KANK1: variants seen among roughly 807,000 people sequenced by gnomAD.
The protein encoded by KANK1 is KN motif and ankyrin repeat domain-containing protein 1.
In KANK1, 109 loss-of-function variants were observed where a neutral mutation model predicts 106.2. The ratio of observed to expected loss-of-function variants is 1.03; its 90% CI spans 0.88 to 1.20. The LOEUF (loss-of-function observed/expected upper bound fraction) is 1.20, where lower values mean the gene tolerates loss of function less well. Among genes scored for constraint, KANK1 ranks in the 50% most tolerant of loss-of-function variants. KANK1 has a pLI of 0.00. For missense variants in KANK1, 2,399 were observed against 1,710.7 expected (o/e 1.40, Z -7.10); for synonymous variants, 873 against 652.2 (o/e 1.34, Z -5.16).
chr9:707,076 C>T (rs1824453591), intron 2 of KANK1: 1 of 985,380 alleles, frequency 1.0e-6, no homozygotes, highest in Non-Finnish European at 1.2e-6. Flanking sequence ...GGAGACCTCG[C>T]CGGTGAAAGC....
At chr9:636,563 G>A (rs538013316) in intron 1 of KANK1, among the ~76,000 whole-genome samples, 4 of 152,250 alleles carry the variant, frequency 2.6e-5, no homozygotes, top group Admixed American at 1.3e-4. Context: ...ATTCTGTCCT[G>A]TACACCTTTA....
chr9:545,075 C>G (rs1018511462), intron 1 of KANK1, among the ~76,000 whole-genome samples: 1 of 151,942 alleles, frequency 6.6e-6, no homozygotes, highest in Non-Finnish European at 1.5e-5. Context: ...AGGAGAATCT[C>G]TGTGAGTTGA....
rs142442062 is a variant in KANK1 at position 712,053 on chromosome 9, A to G, written c.1287A>G (p.Thr429=). ...SRSCKDAAVG[T]LVEMRNCGVS... is the part of the protein sequence containing the mutation. ...CCTGTAAGGATGCAGCTGTAGGGAC[A>G]CTTGTTGAGATGAGAAATTGTGGGG... Residue 429 remains threonine, a synonymous_variant, in exon 3 of 12, where the codon ACA becomes ACG. Transcript: ENST00000382297. 2.5e-6 allele frequency: 4 copies of G among 1,614,064 alleles called. No homozygotes were observed. Among genetic ancestry groups the G allele is most frequent in the Admixed American group, 3.3e-5 (2 of 59,996 alleles).
chr9:656,532 A>C (rs1031352481), intron 1 of KANK1, among the ~76,000 whole-genome samples: 1 of 152,088 alleles, frequency 6.6e-6, no homozygotes, highest in Admixed American at 6.5e-5. Flanking sequence ...CCATACTGCT[A>C]TTCTCCAAGG....
intron 2 of KANK1, among the ~76,000 whole-genome samples, chr9:695,472 C>CTTGGA (rs3028271): frequency 6.6e-6 from 1 of 151,606 alleles, no homozygotes; most frequent in Admixed American, 6.6e-5. Flanking sequence ...CGTGTGCACA[C>CTTGGA]ACACATCCCC....
At chr9:744,801 G>T in intron 11 of KANK1, 1 of 1,449,520 alleles carries the variant, frequency 6.9e-7, no homozygotes, top group Non-Finnish European at 9.1e-7. Context: ...GCTTGTCCTT[G>T]CAAGACATAT....
At chr9:605,957 C>A (rs1377335777) in intron 1 of KANK1, among the ~76,000 whole-genome samples, 1 of 151,640 alleles carries the variant, frequency 6.6e-6, no homozygotes, top group East Asian at 1.9e-4. Context: ...TGTTCTGACT[C>A]CCTTCCCATT....
chr9:558,003 A>C (rs13299232), intron 1 of KANK1, among the ~76,000 whole-genome samples: 1 of 139,198 alleles, frequency 7.2e-6, no homozygotes, highest in South Asian at 2.4e-4. Context: ...AGACTCTCTC[A>C]AAAAACAAAC....
At chr9:676,124 G>C (rs1243495056) in intron 1 of KANK1, among the ~76,000 whole-genome samples, 1 of 152,126 alleles carries the variant, frequency 6.6e-6, no homozygotes, top group East Asian at 1.9e-4. Context: ...ACCACAACCT[G>C]TTTTATCAGC....
chr9:576,445 A>G (rs954534155), intron 1 of KANK1, among the ~76,000 whole-genome samples: 12 of 152,222 alleles, frequency 7.9e-5, no homozygotes, highest in South Asian at 2.1e-4. Flanking sequence ...CACTGTGCCT[A>G]TCTTTCCCAC....
intron 3 of KANK1, among the ~76,000 whole-genome samples, chr9:499,251 G>A (rs2058509487): frequency 6.6e-6 from 1 of 151,548 alleles, no homozygotes; most frequent in Non-Finnish European, 1.5e-5. Context: ...ATACCTAAGA[G>A]AGAGGAAAAC....
intron 1 of KANK1, among the ~76,000 whole-genome samples, chr9:518,766 A>G (rs2059413644): frequency 6.6e-6 from 1 of 151,700 alleles, no homozygotes; most frequent in East Asian, 1.9e-4. Context: ...TATGACATAC[A>G]GTGAACAAGA....
chr9:655,141 G>A (rs1450881779), intron 1 of KANK1, among the ~76,000 whole-genome samples: 2 of 152,108 alleles, frequency 1.3e-5, no homozygotes, highest in South Asian at 2.1e-4. Flanking sequence ...AGGCCAAGGC[G>A]AGTGGATCAC....
intron 2 of KANK1, among the ~76,000 whole-genome samples, chr9:678,786 G>A (rs1303249738): frequency 6.6e-6 from 1 of 152,106 alleles, no homozygotes; most frequent in Non-Finnish European, 1.5e-5. Flanking sequence ...GGTGAGAGAG[G>A]AGATTGAAAC....
intron 3 of KANK1, among the ~76,000 whole-genome samples, chr9:491,838 G>A (rs2058382064): frequency 1.3e-5 from 2 of 151,954 alleles, no homozygotes; most frequent in South Asian, 4.1e-4. Context: ...CTGTTCTTGT[G>A]ATAGTGATTA....
chr9:572,172 T>TTTA (rs1360042819), intron 1 of KANK1, among the ~76,000 whole-genome samples: 2 of 51,826 alleles, frequency 3.9e-5, no homozygotes, highest in Non-Finnish European at 8.2e-5. Flanking sequence ...TTTTTTTTTC[T>TTTA]AAGAGACAGG....
At chr9:675,615 G>C (rs62531169) in intron 1 of KANK1, among the ~76,000 whole-genome samples, 1 of 151,746 alleles carries the variant, frequency 6.6e-6, no homozygotes, top group African/African-American at 2.4e-5. Context: ...TGAATATATT[G>C]CCCAATGTGG....
chr9:745,305 TACTG>T lies in KANK1; in HGVS notation c.*72_*75del, dbSNP rs1589391744. 3 of 1,578,376 alleles carry T rather than the reference TACTG, an allele frequency of 1.9e-6. No individual in the cohort carries two copies. The highest frequency in any genetic ancestry group is 2.6e-6 in the Non-Finnish European group (3 of 1,148,130). ...TAATTGTTCCTGTTGGGGTGACAGA[TACTG>T]AATGTATACGTATTGTGCCTGAGCT... On this transcript the variant is annotated 3_prime_UTR_variant, in exon 12 of 12. Coordinates refer to ENST00000382297, the MANE Select transcript of KANK1 (RefSeq NM_015158.5).
At chr9:709,910 C>G (rs1394358055) in intron 2 of KANK1, among the ~76,000 whole-genome samples, 1 of 152,082 alleles carries the variant, frequency 6.6e-6, no homozygotes, top group Admixed American at 6.5e-5. Flanking sequence ...AGCACCGTGC[C>G]CAGCCTTTCG....
Sources: allele counts gnomAD v4.1 joint callset (sites outside exome capture counted in the v4.1 genomes callset), GRCh38; gene constraint gnomAD v4.1.1; transcripts MANE v1.5; gene names NCBI Gene and HGNC (gene_info 2026-07-23, HGNC 2026-07-21).